Variants in NFIX observed in about 807,000 individuals in gnomAD.
NFIX encodes nuclear factor 1 X-type.
Under a neutral mutation model 53.3 loss-of-function variants are expected in NFIX, and 2 were observed. The ratio of observed to expected loss-of-function variants is 0.04; its 90% CI spans 0.02 to 0.12. The LOEUF is 0.12. NFIX is among the 10% of genes least tolerant of loss of function. NFIX has a pLI of 1.00. For synonymous variants in NFIX, 244 were observed against 289.0 expected, an observed-to-expected ratio of 0.84 and a Z score of 1.58; for missense variants, 310 against 674.5, an observed-to-expected ratio of 0.46 and a Z score of 5.99.
intron 1 of NFIX, among the ~76,000 whole-genome samples, chr19:13,019,436 C>G (rs1263065625): frequency 6.6e-6 from 1 of 152,174 alleles, no homozygotes; most frequent in African/African-American, 2.4e-5. Flanking sequence ...TTTTCTTTCT[C>G]TGCCGCGGTG....
chr19:13,037,432 C>T lies in NFIX; in HGVS notation c.559+11880C>T, dbSNP rs1183295397. On this transcript the variant is annotated intron_variant, in intron 2 of 10. Transcript: ENST00000592199. This position sits in a 1 kb window ranked among gnomAD's most constrained non-coding sequence, Gnocchi z 4.2. The stretch of plus-strand genomic sequence containing the variant: ...TCAGAGAGCCTCGTGGAAGTAATGG[C>T]GCTGAGAGATGGCGCCTGGGGAAGA... 6.6e-6 allele frequency among the ~76,000 whole-genome samples: 1 copy of T among 152,140 alleles called. No homozygotes were observed. Among genetic ancestry groups the T allele is most frequent in the Non-Finnish European group, 1.5e-5 (1 of 68,028 alleles).
At chr19:13,061,606 C>T (rs1016985118) in intron 2 of NFIX, among the ~76,000 whole-genome samples, 1 of 152,174 alleles carries the variant, frequency 6.6e-6, no homozygotes, top group Non-Finnish European at 1.5e-5. Flanking sequence ...CTTCCTGAGC[C>T]GCGCCGCTCC....
At chr19:13,035,805 T>C (rs1599759123) in intron 2 of NFIX, among the ~76,000 whole-genome samples, 1 of 152,314 alleles carries the variant, frequency 6.6e-6, no homozygotes, top group South Asian at 2.1e-4. Flanking sequence ...TAAGAGCAGA[T>C]GGTATGTTTG....
chr19:13,039,228 C>CCCCCA (rs796212249), intron 2 of NFIX, among the ~76,000 whole-genome samples: 41 of 144,582 alleles, frequency 2.8e-4, no homozygotes, highest in African/African-American at 1.1e-3. Context: ...ACACCCCCCC[C>CCCCCA]CACACACACA....
At chr19:13,084,756 C>T (rs1228342349) in intron 8 of NFIX, among the ~76,000 whole-genome samples, 2 of 152,016 alleles carry the variant, frequency 1.3e-5, no homozygotes, top group East Asian at 1.9e-4. Flanking sequence ...GCCAGGCCCA[C>T]GTGTTTATCT....
rs1295008014 is a variant in NFIX, at chr19:13,014,867, G to C, written c.28-10154G>C. Among the ~76,000 whole-genome samples the C allele has an allele frequency of 1.3e-5, 2 of 151,798 alleles. No homozygotes were observed. Among genetic ancestry groups the C allele is most frequent in the African/African-American group, 4.9e-5 (2 of 41,088 alleles). ...GCTGCAGAGGTTCGGCTCTGGGCTG[G>C]TGGTAGGGGGCTGGTGGTAGGCGAG... On this transcript the variant is annotated intron_variant, in intron 1 of 10. Coordinates refer to ENST00000592199, the MANE Select transcript of NFIX (RefSeq NM_001365902.3). The surrounding 1 kb of genome is among the most constrained non-coding windows in gnomAD (Gnocchi z 4.4).
chr19:13,022,255 G>A lies in NFIX; in HGVS notation c.28-2766G>A, dbSNP rs548041471. On this transcript the variant is annotated intron_variant, in intron 1 of 10. Transcript: ENST00000592199. The surrounding 1 kb of genome is among the most constrained non-coding windows in gnomAD (Gnocchi z 4.5). ...ATAAACTGTTGCAGTTTCTCGAGCC[G>A]AGCTGTGTTGCGTTGGCATCCCTCG... Among the ~76,000 whole-genome samples the A allele has an allele frequency of 6.6e-6, 1 of 152,246 alleles. No homozygotes were observed. The highest frequency in any genetic ancestry group is 1.5e-5 in the Non-Finnish European group (1 of 68,028).
rs2018252807 is a variant in NFIX, at chr19:13,093,313, C to A, written c.1495-1322C>A. 6.6e-6 allele frequency among the ~76,000 whole-genome samples: 1 copy of A among 152,218 alleles called. No homozygotes were observed. Among genetic ancestry groups the A allele is most frequent in the African/African-American group, 2.4e-5 (1 of 41,448 alleles). The stretch of plus-strand genomic sequence containing the variant: ...CCCAAACCAGAGCCTGAGAGCAGGT[C>A]TGGCCTGCAGGCAGAATGTTTGACC... On this transcript the variant is annotated intron_variant, in intron 10 of 10. Transcript: ENST00000592199. This position sits in a 1 kb window ranked among gnomAD's most constrained non-coding sequence, Gnocchi z 4.7.
chr19:13,010,671 C>T (rs60921409), intron 1 of NFIX, among the ~76,000 whole-genome samples: 1,605 of 152,344 alleles, frequency 0.011, 27 homozygotes, highest in African/African-American at 0.037. Context: ...CAACGGGGAG[C>T]TCCAGGTGGG....
rs186140320 is a variant in NFIX, at chr19:13,026,111, C to A, written c.559+559C>A. Among the ~76,000 whole-genome samples the A allele has an allele frequency of 7.2e-5, 11 of 152,248 alleles. No homozygotes were observed. In the East Asian group the frequency reaches 2.1e-3, roughly 29 times the overall value. On this transcript the variant is annotated intron_variant, in intron 2 of 10. Coordinates refer to ENST00000592199, the MANE Select transcript of NFIX (RefSeq NM_001365902.3). ...AAAGAGGAGAGAAGACAGTAGTGGG[C>A]AGATTCTGTGGCCTAAATACTCAGG...
chr19:13,024,627 A>G (rs2145188732), intron 1 of NFIX: 2 of 1,536,354 alleles, frequency 1.3e-6, no homozygotes, highest in Non-Finnish European at 1.7e-6. Flanking sequence ...CACGGCTGCG[A>G]TAGAACATGG....
intron 1 of NFIX, among the ~76,000 whole-genome samples, chr19:13,008,039 A>G (rs1428642542): frequency 6.6e-6 from 1 of 152,212 alleles, no homozygotes; most frequent in Admixed American, 6.5e-5. Context: ...CATGGTACAC[A>G]TAATACATAC....
Position 13,087,896 on chromosome 19 carries a change from C to T in NFIX, c.1255-93C>T, listed in dbSNP as rs764284922. ...TCCTGGATCTTCCACCGGGAGCGCCCGCTCTCAGGAGCGAGCTGGCGCGGC... is the reference window on the plus strand; with the variant it reads ...TCCTGGATCTTCCACCGGGAGCGCCTGCTCTCAGGAGCGAGCTGGCGCGGC... On this transcript the variant is annotated intron_variant, in intron 8 of 10. Coordinates refer to ENST00000592199, the MANE Select transcript of NFIX (RefSeq NM_001365902.3). 42 of 1,447,892 alleles carry T rather than the reference C, an allele frequency of 2.9e-5. No individual in the cohort carries two copies. In the Admixed American group the frequency reaches 3.2e-4, roughly 11 times the overall value. The allele number at this position is 1,447,892 out of a possible 1,614,324, so 89.7% of individuals were successfully genotyped here. A position where few individuals can be genotyped will look rare whatever the true frequency, so the allele number is the denominator to read the frequency against.
Position 12,996,142 on chromosome 19 carries a change from CGTGTGTGTGTGTGTGT to C in NFIX, c.27+292_27+307del, listed in dbSNP as rs3046151. ...TGGAGCGCAGGCGGGAGTGCGTGTA[CGTGTGTGTGTGTGTGT>C]GTGTGTGTGTGTGCGCGCTCGACTG... On this transcript the variant is annotated intron_variant, in intron 1 of 10. Transcript: ENST00000592199. This position sits in a 1 kb window ranked among gnomAD's most constrained non-coding sequence, Gnocchi z 5.2. Among the ~76,000 whole-genome samples, 2 of 145,724 alleles carry C rather than the reference CGTGTGTGTGTGTGTGT, an allele frequency of 1.4e-5. No homozygotes were observed. Among genetic ancestry groups the C allele is most frequent in the Non-Finnish European group, 3.0e-5 (2 of 65,674 alleles).
Position 13,001,907 on chromosome 19 carries a change from G to A in NFIX, c.27+6043G>A, listed in dbSNP as rs1319031286. ...TGCTGGGGGCCCCGCCCGTGCCCCT[G>A]GCCTGGCGTGGACAGAAGCCCGTTG... On this transcript the variant is annotated intron_variant, in intron 1 of 10. Coordinates refer to ENST00000592199, the MANE Select transcript of NFIX (RefSeq NM_001365902.3). The surrounding 1 kb of genome is among the most constrained non-coding windows in gnomAD (Gnocchi z 6.5). 2.0e-5 allele frequency among the ~76,000 whole-genome samples: 3 copies of A among 152,238 alleles called. No homozygotes were observed. The highest frequency in any genetic ancestry group is 6.5e-5 in the Admixed American group (1 of 15,292).
At position 13,091,635 on chromosome 19, in the gene NFIX, T is replaced by TG. The variant is rs1207877789; in HGVS notation, c.1494+1247dup. ...AAAAACAATGGCTCCGAGCAGGGGCTGGAGCCAGCCCCCTCTGCTCTGTGC... is the reference window on the plus strand; with the variant it reads ...AAAAACAATGGCTCCGAGCAGGGGCTGGGAGCCAGCCCCCTCTGCTCTGTGC... On this transcript the variant is annotated intron_variant, in intron 10 of 10. Coordinates refer to ENST00000592199, the MANE Select transcript of NFIX (RefSeq NM_001365902.3). Among the ~76,000 whole-genome samples, 4 of 152,114 alleles carry TG rather than the reference T, an allele frequency of 2.6e-5. No homozygotes were observed. In the East Asian group the frequency reaches 7.7e-4, roughly 29 times the overall value.
rs905776889 is a variant in NFIX at position 13,001,813 on chromosome 19, C to T, written c.27+5949C>T. Among the ~76,000 whole-genome samples, 7 of 152,216 alleles carry T rather than the reference C, an allele frequency of 4.6e-5. No individual in the cohort carries two copies. Among genetic ancestry groups the T allele is most frequent in the Non-Finnish European group, 7.4e-5 (5 of 68,024 alleles). ...CATGTGAGATGCCTGCTATGGCGGC[C>T]GGGCAAGCGGCTGGGAGCGGGCTGG... On this transcript the variant is annotated intron_variant, in intron 1 of 10. Transcript: ENST00000592199. The surrounding 1 kb of genome is among the most constrained non-coding windows in gnomAD (Gnocchi z 6.5).
chr19:13,086,939 A>G (rs558173610), intron 8 of NFIX, among the ~76,000 whole-genome samples: 30 of 152,354 alleles, frequency 2.0e-4, no homozygotes, highest in African/African-American at 7.2e-4. Context: ...AGCACACAGC[A>G]TCCTCTCTGG....
rs1012232082 is a variant in NFIX, at chr19:13,045,411, C to T, written c.559+19859C>T. 3.9e-5 allele frequency among the ~76,000 whole-genome samples: 6 copies of T among 152,034 alleles called. No homozygotes were observed. The highest frequency in any genetic ancestry group is 7.4e-5 in the Non-Finnish European group (5 of 68,000). ...TGGGATGGGGTTGCTACTGGCATCTCGTGGGTGGAGGCTGGGATGCTGCTA... is the reference window on the plus strand; with the variant it reads ...TGGGATGGGGTTGCTACTGGCATCTTGTGGGTGGAGGCTGGGATGCTGCTA... On this transcript the variant is annotated intron_variant, in intron 2 of 10. Coordinates refer to ENST00000592199, the MANE Select transcript of NFIX (RefSeq NM_001365902.3). This position sits in a 1 kb window ranked among gnomAD's most constrained non-coding sequence, Gnocchi z 4.4.
Sources: allele counts gnomAD v4.1 joint callset (sites outside exome capture counted in the v4.1 genomes callset), GRCh38; gene constraint gnomAD v4.1.1; non-coding constraint Gnocchi (gnomAD v3.1); transcripts MANE v1.5; gene names NCBI Gene and HGNC (gene_info 2026-07-23, HGNC 2026-07-21).